Variants in SGSM1 observed in about 807,000 individuals in gnomAD.
The protein encoded by SGSM1 is RUN and TBC1 domain containing 2.
In SGSM1, 73 loss-of-function variants were observed where a neutral mutation model predicts 133.8. The observed-to-expected ratio is 0.55, with a 90% confidence interval of 0.45 to 0.66. The LOEUF (loss-of-function observed/expected upper bound fraction) is 0.66. Ranked by LOEUF, SGSM1 falls within the 30% of genes least tolerant of loss-of-function variation. SGSM1 has a pLI of 0.00. For missense variants in SGSM1, 1,213 were observed against 1,448.1 expected (o/e 0.84, Z 2.64); for synonymous variants, 563 against 573.0 (o/e 0.98, Z 0.25).
chr22:24,850,204 T>G, intron 4 of SGSM1, 76 bp from the exon 5 acceptor site: 2 of 1,385,808 alleles, frequency 1.4e-6, no homozygotes, highest in South Asian at 2.8e-5. Flanking sequence ...AGATTGAACA[T>G]TCTCCCATTT....
Position 24,924,391 on chromosome 22 carries a change from G to A in SGSM1, c.*117G>A, listed in dbSNP as rs16979279. 2.9e-3 allele frequency: 2,302 copies of A among 803,500 alleles called. 48 individuals carry two copies. In the East Asian group the frequency reaches 0.046, roughly 16 times the overall value. 49.8% of individuals were successfully genotyped at this position (803,500 alleles called of 1,614,324 possible). A position where few individuals can be genotyped will look rare whatever the true frequency, so the allele number is the denominator to read the frequency against. Reference sequence around the variant, plus strand: ...GGGGTCCTGGTGTCTGTTCACAAGCGTGGAGTTCAGTGCGCAAAGAAACTA... The same window carrying A: ...GGGGTCCTGGTGTCTGTTCACAAGCATGGAGTTCAGTGCGCAAAGAAACTA... On this transcript the variant is annotated 3_prime_UTR_variant, in exon 25 of 25. Coordinates refer to ENST00000400358, the MANE Select transcript of SGSM1 (RefSeq NM_001098497.3).
chr22:24,866,013 C>T (rs190836588), intron 9 of SGSM1, among the ~76,000 whole-genome samples: 106 of 152,204 alleles, frequency 7.0e-4, no homozygotes, highest in African/African-American at 2.2e-3. Flanking sequence ...GAAGTTAATC[C>T]GCTCTGCTCC....
chr22:24,871,084 C>A (rs1287727455), intron 12 of SGSM1, among the ~76,000 whole-genome samples: 2 of 152,134 alleles, frequency 1.3e-5, no homozygotes, highest in Non-Finnish European at 2.9e-5. Flanking sequence ...TGGAATAATT[C>A]TTTGTTGTAG....
intron 21 of SGSM1, among the ~76,000 whole-genome samples, chr22:24,909,105 A>T (rs915138949): frequency 2.0e-5 from 3 of 152,106 alleles, no homozygotes; most frequent in Admixed American, 2.0e-4. Context: ...TGTGCATGTG[A>T]GGGGTCTAGG....
rs546458795 is a variant in SGSM1 at position 24,847,549 on chromosome 22, C to G, written c.140-85C>G. 3,101 of 1,503,848 alleles carry G rather than the reference C, an allele frequency of 2.1e-3. 3 individuals are homozygous for G. Among genetic ancestry groups the G allele is most frequent in the Non-Finnish European group, 2.5e-3 (2,826 of 1,116,668 alleles). The allele number at this position is 1,503,848 out of a possible 1,614,324, so 93.2% of individuals were successfully genotyped here. On this transcript the variant is annotated intron_variant, in intron 3 of 24. Transcript: ENST00000400358. ...AAGATTGAGAGGGCTCTCCAAGGTT[C>G]CAGTGTCTGACAGAAGCTCTGGGAC...
At chr22:24,830,493 G>A (rs1200772466) in intron 2 of SGSM1, among the ~76,000 whole-genome samples, 1 of 152,118 alleles carries the variant, frequency 6.6e-6, no homozygotes, top group South Asian at 2.1e-4. Flanking sequence ...ACTGTCATGG[G>A]GGCAACAGGA....
chr22:24,811,950 C>G (rs1927766522), intron 2 of SGSM1, among the ~76,000 whole-genome samples: 1 of 151,576 alleles, frequency 6.6e-6, no homozygotes, highest in Non-Finnish European at 1.5e-5. Flanking sequence ...GAGTGGATCA[C>G]TTGAGGTCAG....
chr22:24,924,374 G>C lies in SGSM1; in HGVS notation c.*100G>C. ...ATGGGCACCCCGGGAGCGGGGTCCT[G>C]GTGTCTGTTCACAAGCGTGGAGTTC... On this transcript the variant is annotated 3_prime_UTR_variant, in exon 25 of 25. Coordinates refer to ENST00000400358, the MANE Select transcript of SGSM1 (RefSeq NM_001098497.3). 1 of 1,001,694 alleles carries C rather than the reference G, an allele frequency of 1.0e-6. No individual in the cohort carries two copies. The highest frequency in any genetic ancestry group is 1.3e-5 in the South Asian group (1 of 74,490). 62.1% of individuals were successfully genotyped at this position (1,001,694 alleles called of 1,614,324 possible).
chr22:24,914,551 C>G (rs964721504), intron 22 of SGSM1, among the ~76,000 whole-genome samples: 10 of 152,110 alleles, frequency 6.6e-5, no homozygotes, highest in African/African-American at 2.4e-4. Flanking sequence ...CCCATCACTC[C>G]TGTCCTCCCA....
intron 21 of SGSM1, among the ~76,000 whole-genome samples, chr22:24,909,778 G>T (rs938574812): frequency 3.9e-5 from 6 of 152,082 alleles, no homozygotes; most frequent in African/African-American, 1.4e-4. Context: ...TTAAAAAACA[G>T]TCTGGCAGTT....
chr22:24,878,728 A>AG (rs1409110639), intron 13 of SGSM1, among the ~76,000 whole-genome samples: 1 of 152,180 alleles, frequency 6.6e-6, no homozygotes, highest in Non-Finnish European at 1.5e-5. Context: ...TTCCCATGCA[A>AG]GGAGAAGCTT....
At position 24,840,601 on chromosome 22, in the gene SGSM1, C is replaced by T. The variant is rs180916766; in HGVS notation, c.64-4296C>T. The stretch of plus-strand genomic sequence containing the variant: ...CAGGTAATCCGCCCGCCTCAGCCTC[C>T]CAAAGTGCTGGGATTACAGGTGTGA... On this transcript the variant is annotated intron_variant, in intron 2 of 24. Coordinates refer to ENST00000400358, the MANE Select transcript of SGSM1 (RefSeq NM_001098497.3). 2.9e-3 allele frequency among the ~76,000 whole-genome samples: 443 copies of T among 152,114 alleles called. 1 individual carries two copies. The highest frequency in any genetic ancestry group is 0.01 in the African/African-American group (433 of 41,500).
intron 22 of SGSM1, among the ~76,000 whole-genome samples, chr22:24,916,914 T>G (rs1393567484): frequency 2.6e-5 from 4 of 152,120 alleles, no homozygotes; most frequent in Non-Finnish European, 5.9e-5. Context: ...GGTCTCACTC[T>G]GTCACCCAGG....
chr22:24,813,506 T>C (rs6004296), intron 2 of SGSM1, among the ~76,000 whole-genome samples: 5,373 of 152,188 alleles, frequency 0.035, 332 homozygotes, highest in African/African-American at 0.12. Context: ...CAAAAATGCA[T>C]GTGCTTGAAT....
intron 22 of SGSM1, among the ~76,000 whole-genome samples, chr22:24,913,016 A>G (rs937884791): frequency 3.9e-5 from 6 of 152,170 alleles, no homozygotes; most frequent in African/African-American, 1.2e-4. Context: ...AGTGCTTAGC[A>G]CAGTGCATGT....
chr22:24,892,746 A>G (rs893073258), intron 16 of SGSM1, among the ~76,000 whole-genome samples: 2 of 152,014 alleles, frequency 1.3e-5, no homozygotes, highest in Non-Finnish European at 2.9e-5. Context: ...TAAAAAAGAA[A>G]GAAACAGTCT....
intron 21 of SGSM1, among the ~76,000 whole-genome samples, chr22:24,911,416 C>T (rs541536058): frequency 1.3e-5 from 2 of 151,482 alleles, no homozygotes; most frequent in Non-Finnish European, 2.9e-5. Context: ...CTCAGCCTCC[C>T]GAGTAGCTGG....
rs765423520 is a variant in SGSM1, at chr22:24,876,607, G to A, written c.1322G>A (p.Ser441Asn). 53 of 1,613,894 alleles carry A rather than the reference G, an allele frequency of 3.3e-5. No individual in the cohort carries two copies. Among genetic ancestry groups the A allele is most frequent in the Non-Finnish European group, 4.0e-5 (47 of 1,179,898 alleles). The change falls in exon 13 of 25, where the codon AGC (serine) becomes AAC (asparagine). Residue 441 changes from serine to asparagine, a missense_variant. Ser to Asn is a conservative substitution (Grantham distance 46). Transcript: ENST00000400358. ...CAGGATCTGATGGACGTCTCTGTAA[G>A]CAACCTCCCATCCCTGTGGCAGCCC... ...VPQDLMDVSV[S>N]NLPSLWQPSP...
chr22:24,822,660 G>T (rs932653739), intron 2 of SGSM1, among the ~76,000 whole-genome samples: 1 of 152,218 alleles, frequency 6.6e-6, no homozygotes, highest in African/African-American at 2.4e-5. Flanking sequence ...CAAGGGCAGA[G>T]GTGGAGCTGG....
Sources: allele counts gnomAD v4.1 joint callset (sites outside exome capture counted in the v4.1 genomes callset), GRCh38; gene constraint gnomAD v4.1.1; transcripts MANE v1.5; gene names NCBI Gene and HGNC (gene_info 2026-07-23, HGNC 2026-07-21).